FAM153A: variants seen among roughly 807,000 people sequenced by gnomAD.
FAM153A encodes family with sequence similarity 153 member A.
FAM153A carries 12 observed loss-of-function variants against 48.1 expected under a neutral mutation model. The observed-to-expected ratio is 0.25, with a 90% CI of 0.16 to 0.40. The LOEUF is 0.40. Ranked by LOEUF, FAM153A falls within the 10% of genes least tolerant of loss-of-function variation. The pLI is 1.00. For synonymous variants in FAM153A, 36 were observed against 118.2 expected (o/e 0.30, Z 4.51); for missense variants, 111 against 345.8 (o/e 0.32, Z 5.38).
chr5:177,709,246 CAA>C (rs1171189197), downstream of FAM153A, among the ~76,000 whole-genome samples: 1 of 122,564 alleles, frequency 8.2e-6, no homozygotes, highest in Non-Finnish European at 1.7e-5. Flanking sequence ...ACTTTGAAGA[CAA>C]AAAGGAATCT....
exon 27 of FAM153A, chr5:177,713,055 A>G (rs1758748858): frequency 1.3e-5 from 2 of 152,086 alleles, no homozygotes; most frequent in Admixed American, 6.5e-5. Flanking sequence ...AACAAAATCA[A>G]TGAAATGTCT....
chr5:177,762,433 C>T (rs1361039016), intron 1 of FAM153A, among the ~76,000 whole-genome samples: 1 of 144,094 alleles, frequency 6.9e-6, no homozygotes, highest in African/African-American at 2.5e-5. Context: ...TCAGATGTGT[C>T]TCCACCTTCC....
upstream of FAM153A, among the ~76,000 whole-genome samples, chr5:177,756,503 A>G (rs1216594513): frequency 7.2e-6 from 1 of 138,250 alleles, no homozygotes; most frequent in African/African-American, 2.6e-5. Flanking sequence ...ACATCTACAG[A>G]ACTCTCCACC....
At chr5:177,697,542 CACAGT>C in the FAM153A span, among the ~76,000 whole-genome samples, 9 of 151,950 alleles carry the variant, frequency 5.9e-5, no homozygotes, top group East Asian at 1.4e-3. Context: ...GTTGGAAATG[CACAGT>C]CTGGGATGCT....
chr5:177,703,694 T>C (rs1446610062), downstream of FAM153A, among the ~76,000 whole-genome samples: 93 of 67,926 alleles, frequency 1.4e-3, 1 homozygote, highest in African/African-American at 7.0e-3. Flanking sequence ...AGGCGGTTTC[T>C]CTGTTTGAGG....
chr5:177,719,509 C>G (rs1251714055), downstream of FAM153A, among the ~76,000 whole-genome samples: 2 of 151,100 alleles, frequency 1.3e-5, no homozygotes, highest in East Asian at 3.9e-4. Flanking sequence ...TAACACCCAG[C>G]TCGGCAAGGA....
At chr5:177,709,662 G>GTTT (rs1266887040), downstream of FAM153A, among the ~76,000 whole-genome samples, 2 of 122,040 alleles carry the variant, frequency 1.6e-5, no homozygotes, top group African/African-American at 5.6e-5. Context: ...CGCCCGGCTG[G>GTTT]GTTTTTTTTT....
chr5:177,715,096 C>T (rs1215186611), intron 25 of FAM153A, among the ~76,000 whole-genome samples: 1 of 143,950 alleles, frequency 6.9e-6, no homozygotes, highest in Non-Finnish European at 1.6e-5. Context: ...ACTGTTCTTC[C>T]CAACCTCAAA....
chr5:177,706,883 A>G (rs1757925784), downstream of FAM153A: 1 of 152,034 alleles, frequency 6.6e-6, no homozygotes, highest in Non-Finnish European at 1.5e-5. Context: ...GGTGTTACCA[A>G]AAGTGAGTAT....
downstream of FAM153A, among the ~76,000 whole-genome samples, chr5:177,710,136 C>T (rs1414403764): frequency 1.1e-4 from 16 of 146,514 alleles, 1 homozygote; most frequent in African/African-American, 2.1e-4. Context: ...TTCCCTGAGA[C>T]GGAGTCTCAC....
chr5:177,739,012 C>G lies in FAM153A; in HGVS notation c.562+101G>C, dbSNP rs542868466. 7.6e-6 allele frequency: 7 copies of G among 920,660 alleles called. No homozygotes were observed. The East Asian group carries it at 8.0e-5, about 11-fold the overall frequency. 57.0% of individuals were successfully genotyped at this position (920,660 alleles called of 1,614,324 possible). ...CCAAACCCCATTTTCCAATAGGAAGCTCCAATGAGAGTGGTTCTCCAGAAA... is the reference window on the plus strand; with the variant it reads ...CCAAACCCCATTTTCCAATAGGAAGGTCCAATGAGAGTGGTTCTCCAGAAA... On this transcript the variant is annotated intron_variant, in intron 10 of 20. Coordinates refer to ENST00000614127, the Ensembl canonical transcript of FAM153A.
chr5:177,746,164 G>A (rs2127673602), intron 4 of FAM153A, among the ~76,000 whole-genome samples: 1 of 151,588 alleles, frequency 6.6e-6, no homozygotes, highest in South Asian at 2.1e-4. Context: ...TCCATCCGAG[G>A]ACTGGGGATA....
downstream of FAM153A, chr5:177,708,042 G>GGCACAAGTGGCAATGGCTGT (rs1758014692): frequency 6.6e-6 from 1 of 152,550 alleles, no homozygotes; most frequent in South Asian, 2.0e-4. Flanking sequence ...ATCCCCTGGG[G>GGCACAAGTGGCAATGGCTGT]GCACAAGTGG....
At chr5:177,759,782 G>C (rs1034118818) in intron 1 of FAM153A, among the ~76,000 whole-genome samples, 1 of 151,044 alleles carries the variant, frequency 6.6e-6, no homozygotes, top group Non-Finnish European at 1.5e-5. Context: ...CATGCACACA[G>C]GAAGGGGAGC....
Position 177,730,674 on chromosome 5 carries a change from T to C in FAM153A, c.862+895A>G, listed in dbSNP as rs1241718419. Among the ~76,000 whole-genome samples the C allele has an allele frequency of 4.9e-5, 7 of 142,318 alleles. No individual in the cohort carries two copies. The East Asian group carries it at 1.5e-3, about 31-fold the overall frequency. The allele number at this position is 142,318 out of a possible 152,430, so 93.4% of individuals were successfully genotyped here. ...GATCAGTTGGCCTAGGAAGAAACTA[T>C]ACAAGGGCTTTGTGACAAATTCAGT... On this transcript the variant is annotated intron_variant, in intron 16 of 20. Transcript: ENST00000614127.
At chr5:177,758,975 G>C (rs1375916291) in intron 1 of FAM153A, among the ~76,000 whole-genome samples, 1 of 151,744 alleles carries the variant, frequency 6.6e-6, no homozygotes, top group Non-Finnish European at 1.5e-5. Flanking sequence ...ATTAACAAAT[G>C]GGATCTAATT....
At chr5:177,707,456 A>AG (rs1417060635), downstream of FAM153A, among the ~76,000 whole-genome samples, 1 of 151,936 alleles carries the variant, frequency 6.6e-6, no homozygotes, top group Non-Finnish European at 1.5e-5. Context: ...AGGAAACGAG[A>AG]GAAAAAATGC....
the FAM153A span, among the ~76,000 whole-genome samples, chr5:177,695,815 A>AGGC: frequency 6.6e-6 from 1 of 151,386 alleles, no homozygotes; most frequent in Non-Finnish European, 1.5e-5. Context: ...GGCCGGGCAG[A>AGGC]GGCACTCCTC....
At chr5:177,725,872 C>T (rs1438659640) in intron 18 of FAM153A, among the ~76,000 whole-genome samples, 2 of 151,994 alleles carry the variant, frequency 1.3e-5, no homozygotes, top group Non-Finnish European at 2.9e-5. Context: ...CCCTGAGCAA[C>T]AGCTAGACTT....
Sources: gnomAD v4.1 joint callset for allele counts (sites outside exome capture counted in the v4.1 genomes callset) on GRCh38, gnomAD v4.1.1 for gene constraint, MANE v1.5 for transcripts, NCBI Gene and HGNC (gene_info 2026-07-23, HGNC 2026-07-21) for gene names.